The following RBSN variants were observed in gnomAD, a reference collection of about 807,000 sequenced individuals.
The protein encoded by RBSN is rabenosyn, RAB effector.
A neutral mutation model predicts 60.5 loss-of-function variants in RBSN; 34 were observed. That is an observed-to-expected ratio of 0.56 (90% CI 0.43 to 0.75). The LOEUF (loss-of-function observed/expected upper bound fraction) is 0.75, where lower values mean the gene tolerates loss of function less well. Ranked by LOEUF, RBSN falls within the 30% of genes least tolerant of loss-of-function variation. RBSN has a pLI of 0.00. For synonymous variants in RBSN, 322 were observed against 366.9 expected (o/e 0.88, Z 1.40); for missense variants, 845 against 986.8 (o/e 0.86, Z 1.92).
Position 15,071,104 on chromosome 3 carries a change from G to A in RBSN, c.*2678C>T, listed in dbSNP as rs1285225690. The A allele has an allele frequency of 6.6e-6, 1 of 152,220 alleles. No homozygotes were observed. The highest frequency in any genetic ancestry group is 2.1e-4 in the South Asian group (1 of 4,832). 9.4% of individuals were successfully genotyped at this position (152,220 alleles called of 1,614,324 possible). A position where few individuals can be genotyped will look rare whatever the true frequency, so the allele number is the denominator to read the frequency against. Reference sequence around the variant, plus strand: ...CTCCCAAAGTGCTGGGATTACAGGAGTGAGCCACTGCACCCGGCCAGGCCT... The same window carrying A: ...CTCCCAAAGTGCTGGGATTACAGGAATGAGCCACTGCACCCGGCCAGGCCT... On this transcript the variant is annotated 3_prime_UTR_variant, in exon 14 of 14. Coordinates refer to ENST00000253699, the MANE Select transcript of RBSN (RefSeq NM_022340.4).
rs758981624 is a variant in RBSN at position 15,090,552 on chromosome 3, A to G, written c.149-13T>C. On this transcript the variant is annotated splice_polypyrimidine_tract_variant and intron_variant, in intron 4 of 13. Coordinates refer to ENST00000253699, the MANE Select transcript of RBSN (RefSeq NM_022340.4). ...TTCTGGACAAGACCTTGAAAAATGG[A>G]ACAAATAATACAAATGAGCCATGAA... 6.2e-7 allele frequency: 1 copy of G among 1,612,994 alleles called. No homozygotes were observed. The highest frequency in any genetic ancestry group is 1.1e-5 in the South Asian group (1 of 90,716).
At chr3:15,085,766 T>C in intron 6 of RBSN, 95 bp downstream of exon 6, 2 of 991,202 alleles carry the variant, frequency 2.0e-6, no homozygotes, top group Non-Finnish European at 3.2e-6. Flanking sequence ...ATCAGATGTA[T>C]ATGATATATA....
In RBSN at chr3:15,077,279, G is replaced by C; in HGVS notation, c.999-115C>G. The C allele has an allele frequency of 1.2e-6, 1 of 846,844 alleles. No homozygotes were observed. The highest frequency in any genetic ancestry group is 1.5e-5 in the South Asian group (1 of 68,244). The allele number at this position is 846,844 out of a possible 1,614,324, so 52.5% of individuals were successfully genotyped here. A position where few individuals can be genotyped will look rare whatever the true frequency, so the allele number is the denominator to read the frequency against. On this transcript the variant is annotated intron_variant, in intron 11 of 13. Coordinates refer to ENST00000253699, the MANE Select transcript of RBSN (RefSeq NM_022340.4). The surrounding 1 kb of genome is among the most constrained non-coding windows in gnomAD (Gnocchi z 4.4). The stretch of plus-strand genomic sequence containing the variant: ...CATGCCAGGAAGGTGTGTAAAGATG[G>C]ACAAGTGACTCCATTGAAGTTTCTT...
Position 15,084,609 on chromosome 3 carries a change from CAATG to C in RBSN, c.598+122_598+125del, listed in dbSNP as rs2043289648. 3 of 1,273,348 alleles carry C rather than the reference CAATG, an allele frequency of 2.4e-6. No homozygotes were observed. In the African/African-American group the frequency reaches 4.5e-5, roughly 19 times the overall value. The allele number at this position is 1,273,348 out of a possible 1,614,324, so 78.9% of individuals were successfully genotyped here. ...AGTGGGTTTCACAGAAACAGCAACT[CAATG>C]AATGAAGATTCCCATGAGCCATTAA... On this transcript the variant is annotated intron_variant, in intron 8 of 13. Coordinates refer to ENST00000253699, the MANE Select transcript of RBSN (RefSeq NM_022340.4). This position sits in a 1 kb window ranked among gnomAD's most constrained non-coding sequence, Gnocchi z 4.2.
In RBSN at chr3:15,074,503, C is replaced by T. The variant is rs150901788; in HGVS notation, c.1634G>A (p.Arg545Gln). 31 of 1,614,198 alleles carry T rather than the reference C, an allele frequency of 1.9e-5. No individual in the cohort carries two copies. Among genetic ancestry groups the T allele is most frequent in the African/African-American group, 1.9e-4 (14 of 75,054 alleles). ...TTCTCTGAAGTCCAGGGACCGAGTC[C>T]GTGTGTGCAGGGATGCCACCCGAAA... ...EQFRVASLHT[R>Q]TRSLDFREIG... Residue 545 changes from arginine (R) to glutamine (Q), a missense_variant, in exon 14 of 14, where the codon CGG (arginine) becomes CAG (glutamine). By Grantham distance (43) the Arg-to-Gln change is conservative. Transcript: ENST00000253699. This position sits in a 1 kb window ranked among gnomAD's most constrained non-coding sequence, Gnocchi z 6.4.
chr3:15,084,607 C>T lies in RBSN; in HGVS notation c.598+128G>A. On this transcript the variant is annotated intron_variant, in intron 8 of 13. Coordinates refer to ENST00000253699, the MANE Select transcript of RBSN (RefSeq NM_022340.4). This position sits in a 1 kb window ranked among gnomAD's most constrained non-coding sequence, Gnocchi z 4.2. ...GTAGTGGGTTTCACAGAAACAGCAACTCAATGAATGAAGATTCCCATGAGC... is the reference window on the plus strand; with the variant it reads ...GTAGTGGGTTTCACAGAAACAGCAATTCAATGAATGAAGATTCCCATGAGC... 2.4e-6 allele frequency: 3 copies of T among 1,261,674 alleles called. No homozygotes were observed. The South Asian group carries it at 4.6e-5, about 19-fold the overall frequency. The allele number at this position is 1,261,674 out of a possible 1,614,324, so 78.2% of individuals were successfully genotyped here.
At chr3:15,086,635 T>G (rs2043351035) in intron 5 of RBSN, among the ~76,000 whole-genome samples, 1 of 152,252 alleles carries the variant, frequency 6.6e-6, no homozygotes, top group Admixed American at 6.5e-5. Flanking sequence ...ATGCCAATGT[T>G]AAATAAACAG....
Position 15,092,282 on chromosome 3 carries a change from C to T in RBSN, c.149-1743G>A, listed in dbSNP as rs535099080. Among the ~76,000 whole-genome samples the T allele has an allele frequency of 2.9e-3, 434 of 151,006 alleles. 1 individual carries two copies. Among genetic ancestry groups the T allele is most frequent in the African/African-American group, 0.01 (415 of 41,132 alleles). ...CACTTGTCTTTTTTTTTTTTTAAGA[C>T]GGTCAAGCCAATAAGCAAACTTCCT... is the stretch of plus-strand genomic sequence containing the variant. On this transcript the variant is annotated intron_variant, in intron 4 of 13. Coordinates refer to ENST00000253699, the MANE Select transcript of RBSN (RefSeq NM_022340.4).
Position 15,074,955 on chromosome 3 carries a change from A to G in RBSN, c.1207-25T>C, listed in dbSNP as rs1409004100. The stretch of plus-strand genomic sequence containing the variant: ...CCTGGGGAGAGAGCAAAGCAGAGAG[A>G]AGAAACAGTCACTATGCTGGCAGCA... On this transcript the variant is annotated intron_variant, in intron 13 of 13. Transcript: ENST00000253699. The surrounding 1 kb of genome is among the most constrained non-coding windows in gnomAD (Gnocchi z 6.4). 3 of 1,581,376 alleles carry G rather than the reference A, an allele frequency of 1.9e-6. No individual in the cohort carries two copies. In the South Asian group the frequency reaches 3.5e-5, roughly 18 times the overall value.
At chr3:15,079,949 A>G (rs1236874171) in intron 10 of RBSN, among the ~76,000 whole-genome samples, 13 of 152,226 alleles carry the variant, frequency 8.5e-5, no homozygotes. Flanking sequence ...AATTTTAAAA[A>G]AGAAGCAGAT....
In RBSN at chr3:15,074,843, T is replaced by A. The variant is rs2043013811; in HGVS notation, c.1294A>T (p.Arg432Trp). The stretch of plus-strand genomic sequence containing the variant: ...GCCTTTCTCAAGGGGGCAGGGCCCC[T>A]GCGGAGAGATGCCACCTCCCCGTTG... ...AANGEVASLRRGPAPLRKAEG... is the reference protein window; with the variant it reads ...AANGEVASLRWGPAPLRKAEG... Residue 432 changes from arginine (R) to tryptophan (W), a missense_variant, in exon 14 of 14, where the codon AGG becomes TGG. Coordinates refer to ENST00000253699, the MANE Select transcript of RBSN (RefSeq NM_022340.4). The surrounding 1 kb of genome is among the most constrained non-coding windows in gnomAD (Gnocchi z 6.4). The A allele has an allele frequency of 6.2e-7, 1 of 1,614,050 alleles. No homozygotes were observed. Among genetic ancestry groups the A allele is most frequent in the African/African-American group, 1.3e-5 (1 of 74,948 alleles).
intron 8 of RBSN, among the ~76,000 whole-genome samples, chr3:15,083,335 C>T (rs776790762): frequency 4.6e-5 from 7 of 152,200 alleles, no homozygotes; most frequent in Admixed American, 3.3e-4. Flanking sequence ...GAAGAAGCAT[C>T]TGTTTTTGTC....
chr3:15,085,083 G>A (rs1257931880), intron 6 of RBSN, 38 bp from the exon 7 acceptor site: 1 of 1,611,756 alleles, frequency 6.2e-7, no homozygotes, highest in Non-Finnish European at 8.5e-7. Flanking sequence ...AAATTAACCA[G>A]GTGATGTATA....
At chr3:15,083,433 A>G (rs759840963) in intron 8 of RBSN, among the ~76,000 whole-genome samples, 2 of 152,178 alleles carry the variant, frequency 1.3e-5, no homozygotes, top group African/African-American at 2.4e-5. Flanking sequence ...ACTTCCCAGA[A>G]GCCAATGAGA....
Position 15,074,421 on chromosome 3 carries a change from A to C in RBSN, c.1716T>G (p.Ala572=), listed in dbSNP as rs1490539648. 1 of 1,614,144 alleles carries C rather than the reference A, an allele frequency of 6.2e-7. No homozygotes were observed. The highest frequency in any genetic ancestry group is 1.7e-5 in the Admixed American group (1 of 60,026). Reference sequence around the variant, plus strand: ...GAACTGGGGAAGAGCCTAGATCCAAAGCATAAGCAAGGTGGGTGCGAGGCT... The same window carrying C: ...GAACTGGGGAAGAGCCTAGATCCAACGCATAAGCAAGGTGGGTGCGAGGCT... ...SREPRTHLAY[A]LDLGSSPVPS... is the part of the protein sequence containing the mutation. Residue 572 remains alanine (A), a synonymous_variant, in exon 14 of 14, where the codon GCT becomes GCG. Coordinates refer to ENST00000253699, the MANE Select transcript of RBSN (RefSeq NM_022340.4). This position sits in a 1 kb window ranked among gnomAD's most constrained non-coding sequence, Gnocchi z 6.4.
At chr3:15,075,248 C>T (rs1559339929) in intron 13 of RBSN, 5 of 580,454 alleles carry the variant, frequency 8.6e-6, no homozygotes, top group South Asian at 3.6e-5. Flanking sequence ...TCTCACGCAG[C>T]GTTAAATACA....
chr3:15,095,113 C>T (rs1239510238), intron 4 of RBSN, among the ~76,000 whole-genome samples: 2 of 152,054 alleles, frequency 1.3e-5, no homozygotes, highest in Non-Finnish European at 2.9e-5. Flanking sequence ...TCCCTGGGCT[C>T]AAGTGATCCT....
At chr3:15,079,065 G>T (rs1291373152) in intron 10 of RBSN, among the ~76,000 whole-genome samples, 2 of 151,820 alleles carry the variant, frequency 1.3e-5, no homozygotes, top group Non-Finnish European at 2.9e-5. Flanking sequence ...CAAACACTAA[G>T]CTTCAGAAAA....
At chr3:15,086,810 T>C (rs1031467368) in intron 5 of RBSN, among the ~76,000 whole-genome samples, 1 of 152,224 alleles carries the variant, frequency 6.6e-6, no homozygotes, top group Non-Finnish European at 1.5e-5. Context: ...GTTAAGCTGA[T>C]ACCTTCCTCA....
Sources: allele counts gnomAD v4.1 joint callset (sites outside exome capture counted in the v4.1 genomes callset), GRCh38; gene constraint gnomAD v4.1.1; non-coding constraint Gnocchi (gnomAD v3.1); transcripts MANE v1.5; gene names NCBI Gene and HGNC (gene_info 2026-07-23, HGNC 2026-07-21).